The following PNKP variants were observed in gnomAD, a reference collection of about 807,000 sequenced individuals.
The protein encoded by PNKP is bifunctional polynucleotide phosphatase/kinase.
In PNKP, 82 loss-of-function variants were observed where a neutral mutation model predicts 66.2. The ratio of observed to expected loss-of-function variants is 1.24; its 90% confidence interval spans 1.04 to 1.49. The LOEUF is 1.49. PNKP is among the 40% of genes most tolerant of loss of function. The probability of loss-of-function intolerance (pLI) is 0.00; values close to 1 mark genes in which losing one functional copy is unlikely to be tolerated. For synonymous variants in PNKP, 412 were observed against 298.9 expected, an observed-to-expected ratio of 1.38 and a Z score of -3.90; for missense variants, 907 against 706.8, an observed-to-expected ratio of 1.28 and a Z score of -3.21.
In PNKP at chr19:49,863,686, C is replaced by T. The variant is rs763767031; in HGVS notation, c.816+3G>A. 4.5e-6 allele frequency: 7 copies of T among 1,551,942 alleles called. No homozygotes were observed. Among genetic ancestry groups the T allele is most frequent in the Non-Finnish European group, 6.1e-6 (7 of 1,146,606 alleles). On this transcript the variant is annotated splice_donor_region_variant and intron_variant, in intron 8 of 16. Transcript: ENST00000322344. The stretch of plus-strand genomic sequence containing the variant: ...GGGGGGCCGGGCAGGCTGCAAGACT[C>T]ACCTGCTCCTGCAGATGGTCCCACA...
chr19:49,865,189 C>A lies in PNKP; in HGVS notation c.436G>T (p.Gly146Cys). 1 of 1,614,242 alleles carries A rather than the reference C, an allele frequency of 6.2e-7. No homozygotes were observed. The highest frequency in any genetic ancestry group is 8.5e-7 in the Non-Finnish European group (1 of 1,180,040). ...AGCAACTTCTCCAAGTTCTCCCAGC[C>A]GGGGTTTGACTTCCGCATACGCTTC... ...PKKRMRKSNP[G>C]WENLEKLLVF... The change falls in exon 4 of 17, where the codon GGC (glycine) becomes TGC (cysteine). Residue 146 changes from glycine (G) to cysteine (C), a missense_variant. Gly to Cys is a radical substitution (Grantham distance 159). Transcript: ENST00000322344.
Position 49,861,520 on chromosome 19 carries a change from ACAT to A in PNKP, c.1387-13_1387-11del. The A allele has an allele frequency of 6.2e-7, 1 of 1,606,780 alleles. No individual in the cohort carries two copies. On this transcript the variant is annotated splice_polypyrimidine_tract_variant and intron_variant, in intron 15 of 16. Transcript: ENST00000322344. Reference sequence around the variant, plus strand: ...CCGTCATCTCTCGAAACTGTGGGGAACATCAGAGGGGCGGCAGGCCCAGGGGTC... The same window carrying A: ...CCGTCATCTCTCGAAACTGTGGGGAACAGAGGGGCGGCAGGCCCAGGGGTC...
rs2074772268 is a variant in PNKP at position 49,861,965 on chromosome 19, G to A, written c.1188+79C>T. On this transcript the variant is annotated intron_variant, in intron 13 of 16. Coordinates refer to ENST00000322344, the MANE Select transcript of PNKP (RefSeq NM_007254.4). ...GCGGGGACGGGGAGGCAATGATGGA[G>A]GAAAGCCGCCCCAAACCAGTTGAGA... 4.4e-6 allele frequency: 7 copies of A among 1,591,760 alleles called. No individual in the cohort carries two copies. The South Asian group carries it at 7.7e-5, about 18-fold the overall frequency.
At chr19:49,862,629 C>G (rs370952043) in intron 9 of PNKP, 21 bp from the exon 10 acceptor site, 97 of 1,613,848 alleles carry the variant, frequency 6.0e-5, no homozygotes, top group Non-Finnish European at 7.5e-5. Flanking sequence ...CGGGACACCC[C>G]GTTCCCACCA....
Position 49,862,725 on chromosome 19 carries a change from G to A in PNKP, c.830C>T (p.Thr277Met), listed in dbSNP as rs1453288814. 7.4e-6 allele frequency: 12 copies of A among 1,613,974 alleles called. No homozygotes were observed. Among genetic ancestry groups the A allele is most frequent in the African/African-American group, 5.3e-5 (4 of 74,906 alleles). The change falls in exon 9 of 17, where the codon ACG becomes ATG. Residue 277 changes from threonine to methionine, a missense_variant. Transcript: ENST00000322344. ...GATGCTGTCCCCGATGGATATGGGC[G>A]TGCCGTCGTTGGCCTACGGGAGACG... ...DHLQEQANDG[T>M]PISIGDSIFV... is the part of the protein sequence containing the mutation.
intron 10 of PNKP, 31 bp from the exon 11 acceptor site, chr19:49,862,494 G>A (rs1490857641): frequency 1.3e-6 from 2 of 1,596,974 alleles, no homozygotes; most frequent in African/African-American, 1.3e-5. Flanking sequence ...TCAGACACAG[G>A]CCAGGGTCGG....
At chr19:49,863,800 A>G (rs1275326049) in intron 7 of PNKP, 40 bp from the exon 8 acceptor site, 39 of 1,527,482 alleles carry the variant, frequency 2.6e-5, no homozygotes, top group Non-Finnish European at 3.4e-5. Flanking sequence ...GCTCCCCCTC[A>G]AGCACCTACT....
chr19:49,863,781 C>G, intron 7 of PNKP, 21 bp from the exon 8 acceptor site: 1 of 1,551,076 alleles, frequency 6.4e-7, no homozygotes. Flanking sequence ...GAGGGGGCCA[C>G]CAGCTTTAGC....
rs1486837619 is a variant in PNKP, at chr19:49,865,357, C to G, written c.268G>C (p.Gly90Arg). ...CCATTGACCAAATACAGTGTGTCCC[C>G]CACCCCCAGAGAGCCCTCCAACCCC... is the stretch of plus-strand genomic sequence containing the variant. ...KPGLEGSLGV[G>R]DTLYLVNGLH... The change falls in exon 4 of 17, where the codon GGG (glycine) becomes CGG (arginine). Residue 90 changes from glycine (G) to arginine (R), a missense_variant. Coordinates refer to ENST00000322344, the MANE Select transcript of PNKP (RefSeq NM_007254.4). The G allele has an allele frequency of 6.2e-7, 1 of 1,613,514 alleles. No individual in the cohort carries two copies. Among genetic ancestry groups the G allele is most frequent in the East Asian group, 2.2e-5 (1 of 44,886 alleles).
chr19:49,867,538 A>C lies in PNKP; in HGVS notation c.-83T>G. 2 of 274,890 alleles carry C rather than the reference A, an allele frequency of 7.3e-6. No individual in the cohort carries two copies. Among genetic ancestry groups the C allele is most frequent in the Non-Finnish European group, 1.4e-5 (2 of 147,856 alleles). The allele number at this position is 274,890 out of a possible 1,614,324, so 17.0% of individuals were successfully genotyped here. A position where few individuals can be genotyped will look rare whatever the true frequency, so the allele number is the denominator to read the frequency against. ...TCCTGCCCGAGGTGCCCCGCCTGCAACCCGGCCGGCGGCGGTCGGTTCCTC... is the reference window on the plus strand; with the variant it reads ...TCCTGCCCGAGGTGCCCCGCCTGCACCCCGGCCGGCGGCGGTCGGTTCCTC... On this transcript the variant is annotated 5_prime_UTR_variant, in exon 1 of 17. Coordinates refer to ENST00000322344, the MANE Select transcript of PNKP (RefSeq NM_007254.4).
chr19:49,862,332 C>T (rs1238374298), intron 11 of PNKP, 39 bp downstream of exon 11: 2 of 1,509,504 alleles, frequency 1.3e-6, no homozygotes, highest in African/African-American at 1.4e-5. Context: ...CCCCGGGAGC[C>T]CTCCCATCCC....
rs1218393834 is a variant in PNKP, at chr19:49,865,233, CTCT to C, written c.389_391del (p.Lys130del). 3.3e-5 allele frequency: 54 copies of C among 1,614,118 alleles called. No individual in the cohort carries two copies. Among genetic ancestry groups the C allele is most frequent in the Non-Finnish European group, 4.2e-5 (50 of 1,180,046 alleles). ...ACGCTTCTTCGGCAGCTCAGCATCTCTCTTCTCATCTTGGGACACCAGAGGGGT... is the reference window on the plus strand; with the variant it reads ...ACGCTTCTTCGGCAGCTCAGCATCTCTCTCATCTTGGGACACCAGAGGGGT... On this transcript the variant is annotated inframe_deletion, in exon 4 of 17. Coordinates refer to ENST00000322344, the MANE Select transcript of PNKP (RefSeq NM_007254.4).
At chr19:49,866,894 A>G (rs2074824445) in intron 2 of PNKP, 160 bp downstream of exon 2, 1 of 791,164 alleles carries the variant, frequency 1.3e-6, no homozygotes, top group African/African-American at 1.7e-5. Context: ...AGCTAATTCT[A>G]AATCAAGCAC....
intron 13 of PNKP, 48 bp downstream of exon 13, chr19:49,861,996 A>G: frequency 6.2e-7 from 1 of 1,605,644 alleles, no homozygotes; most frequent in Non-Finnish European, 8.5e-7. Context: ...TGAGAGGTGG[A>G]GATGGGAACT....
intron 4 of PNKP, among the ~76,000 whole-genome samples, 191 bp from the exon 5 acceptor site, chr19:49,864,594 C>T (rs951218887): frequency 2.6e-5 from 4 of 152,196 alleles, no homozygotes; most frequent in Admixed American, 6.5e-5. Flanking sequence ...ACATCTTAAC[C>T]TTACTGTCTC....
Position 49,864,112 on chromosome 19 carries a change from G to A in PNKP, c.637-41C>T, listed in dbSNP as rs994228667. ...TGTCACCAGACGCTCTGCTCACCAG[G>A]GCCTTGGTCTGACTGCGGTCGGACC... On this transcript the variant is annotated intron_variant, in intron 6 of 16. Coordinates refer to ENST00000322344, the MANE Select transcript of PNKP (RefSeq NM_007254.4). The A allele has an allele frequency of 5.0e-6, 8 of 1,610,908 alleles. No individual in the cohort carries two copies. In the African/African-American group the frequency reaches 6.7e-5, roughly 13 times the overall value.
chr19:49,863,554 G>A, intron 8 of PNKP, 135 bp downstream of exon 8: 3 of 687,456 alleles, frequency 4.4e-6, no homozygotes, highest in South Asian at 3.2e-5. Context: ...CATCTAAGAT[G>A]TCACAGCAAA....
rs377241372 is a variant in PNKP, at chr19:49,862,742, C to A, written c.817-4G>T. The A allele has an allele frequency of 6.2e-7, 1 of 1,613,948 alleles. No homozygotes were observed. The highest frequency in any genetic ancestry group is 1.3e-5 in the African/African-American group (1 of 74,908). On this transcript the variant is annotated splice_polypyrimidine_tract_variant and splice_region_variant and intron_variant, in intron 8 of 16. Transcript: ENST00000322344. ...ATATGGGCGTGCCGTCGTTGGCCTA[C>A]GGGAGACGGTAGTGAGGAGGCCCTT...
Position 49,863,839 on chromosome 19 carries a change from C to T in PNKP, c.745-79G>A, listed in dbSNP as rs758589572. 4.9e-5 allele frequency: 69 copies of T among 1,417,316 alleles called. 1 individual carries two copies. The highest frequency in any genetic ancestry group is 1.4e-5 in the Non-Finnish European group (14 of 1,024,068). The allele number at this position is 1,417,316 out of a possible 1,614,324, so 87.8% of individuals were successfully genotyped here. A position where few individuals can be genotyped will look rare whatever the true frequency, so the allele number is the denominator to read the frequency against. On this transcript the variant is annotated intron_variant, in intron 7 of 16. Transcript: ENST00000322344. ...TGCCACCCCAGCCCAGAATTTGTAG[C>T]TGATGATGGGTTCCTATCAGCATCA...
Sources: gnomAD v4.1 joint callset for allele counts (sites outside exome capture counted in the v4.1 genomes callset) on GRCh38, gnomAD v4.1.1 for gene constraint, MANE v1.5 for transcripts, NCBI Gene and HGNC (gene_info 2026-07-23, HGNC 2026-07-21) for gene names.